Variants in FGF10 observed in about 807,000 individuals in gnomAD.
The protein encoded by FGF10 is fibroblast growth factor 10.
In FGF10, 2 loss-of-function variants were observed where a neutral mutation model predicts 19.8. That is an observed-to-expected ratio of 0.10 (90% confidence interval 0.04 to 0.32). The LOEUF is 0.32. Ranked by LOEUF, FGF10 falls within the 10% of genes least tolerant of loss-of-function variation. FGF10 has a pLI of 1.00. For missense variants in FGF10, 191 were observed against 246.3 expected (o/e 0.78, Z 1.50); for synonymous variants, 112 against 94.0 (o/e 1.19, Z -1.10).
intron 1 of FGF10, among the ~76,000 whole-genome samples, chr5:44,349,317 T>C (rs1002788429): frequency 2.7e-5 from 4 of 148,396 alleles, no homozygotes; most frequent in East Asian, 4.0e-4. Context: ...TGGAAAGCAA[T>C]TTAGCTATCT....
intron 1 of FGF10, among the ~76,000 whole-genome samples, chr5:44,346,224 A>G (rs1018026288): frequency 6.6e-6 from 1 of 151,714 alleles, no homozygotes; most frequent in South Asian, 2.1e-4. Flanking sequence ...TCTGCCTCCA[A>G]AATGTCTTGA....
chr5:44,306,168 C>G lies in FGF10; in HGVS notation c.430-976G>C, dbSNP rs570629436. Among the ~76,000 whole-genome samples the G allele has an allele frequency of 5.3e-5, 8 of 152,222 alleles. No individual in the cohort carries two copies. In the South Asian group the frequency reaches 1.7e-3, roughly 32 times the overall value. On this transcript the variant is annotated intron_variant, in intron 2 of 2. Transcript: ENST00000264664. Reference sequence around the variant, plus strand: ...ATCCCAGCACTTTGGGAGGCTGAGGCAGGCGAATCACAAGGTCAGGAGTTC... The same window carrying G: ...ATCCCAGCACTTTGGGAGGCTGAGGGAGGCGAATCACAAGGTCAGGAGTTC...
At chr5:44,316,235 T>G (rs192877667) in intron 1 of FGF10, among the ~76,000 whole-genome samples, 116 of 152,254 alleles carry the variant, frequency 7.6e-4, no homozygotes, top group Non-Finnish European at 8.5e-4. Context: ...CCTCATTCCC[T>G]TTCGTGTAAA....
At chr5:44,311,263 G>T (rs1436014162) in intron 1 of FGF10, among the ~76,000 whole-genome samples, 1 of 151,880 alleles carries the variant, frequency 6.6e-6, no homozygotes. Context: ...CACAAGTTTC[G>T]ATTGCTGCAT....
rs950122717 is a variant in FGF10, at chr5:44,301,733, T to C, written c.*3262A>G. ...CTTACAAATGTTTGAGTAATTTTTTTTTCTGTTGTTGTTGTTTGGGGCTGT... is the reference window on the plus strand; with the variant it reads ...CTTACAAATGTTTGAGTAATTTTTTCTTCTGTTGTTGTTGTTTGGGGCTGT... On this transcript the variant is annotated 3_prime_UTR_variant, in exon 3 of 3. Transcript: ENST00000264664. Among the ~76,000 whole-genome samples, 4 of 152,204 alleles carry C rather than the reference T, an allele frequency of 2.6e-5. No homozygotes were observed. The highest frequency in any genetic ancestry group is 2.6e-4 in the Admixed American group (4 of 15,280).
rs1032584925 is a variant in FGF10 at position 44,384,191 on chromosome 5, C to T, written c.325+4167G>A. 3.3e-5 allele frequency among the ~76,000 whole-genome samples: 5 copies of T among 152,002 alleles called. No homozygotes were observed. The East Asian group carries it at 5.8e-4, about 18-fold the overall frequency. ...ACATGGGAACAATTAAACATTTGGC[C>T]CTCAGCTGTAAACAATTACTATATA... On this transcript the variant is annotated intron_variant, in intron 1 of 2. Transcript: ENST00000264664.
At chr5:44,367,945 T>A (rs1401188718) in intron 1 of FGF10, among the ~76,000 whole-genome samples, 1 of 151,908 alleles carries the variant, frequency 6.6e-6, no homozygotes, top group East Asian at 1.9e-4. Flanking sequence ...CATATGTTGA[T>A]TAAAACTGAA....
intron 1 of FGF10, among the ~76,000 whole-genome samples, chr5:44,366,127 CTTT>C (rs35522683): frequency 2.7e-5 from 2 of 74,808 alleles, no homozygotes; most frequent in African/African-American, 5.1e-5. Context: ...CAATTATTTC[CTTT>C]TTTTTTTTTT....
chr5:44,332,355 G>T (rs1740755175), intron 1 of FGF10, among the ~76,000 whole-genome samples: 1 of 152,024 alleles, frequency 6.6e-6, no homozygotes, highest in African/African-American at 2.4e-5. Flanking sequence ...TTAGGATTTG[G>T]CACCTGATTT....
intron 1 of FGF10, among the ~76,000 whole-genome samples, chr5:44,329,295 G>C (rs188423321): frequency 6.6e-6 from 1 of 152,252 alleles, no homozygotes; most frequent in Non-Finnish European, 1.5e-5. Flanking sequence ...TTCTGCCTCA[G>C]CCTCCTGAGT....
intron 1 of FGF10, among the ~76,000 whole-genome samples, chr5:44,378,016 T>C (rs949259707): frequency 6.6e-6 from 1 of 152,182 alleles, no homozygotes; most frequent in Non-Finnish European, 1.5e-5. Flanking sequence ...TTTCTTACAC[T>C]TATTCATACA....
At chr5:44,387,834 G>A (rs1742137913) in intron 1 of FGF10, among the ~76,000 whole-genome samples, 1 of 151,956 alleles carries the variant, frequency 6.6e-6, no homozygotes, top group Non-Finnish European at 1.5e-5. Flanking sequence ...GGGGTGGGGA[G>A]AGAGTGGAAT....
intron 1 of FGF10, among the ~76,000 whole-genome samples, chr5:44,322,086 T>C (rs1740506903): frequency 6.6e-6 from 1 of 152,032 alleles, no homozygotes; most frequent in Non-Finnish European, 1.5e-5. Context: ...TACACAGAAG[T>C]GAGATGGCTT....
At chr5:44,344,831 G>A (rs986662582) in intron 1 of FGF10, among the ~76,000 whole-genome samples, 2 of 150,704 alleles carry the variant, frequency 1.3e-5, no homozygotes, top group African/African-American at 4.9e-5. Context: ...GATTTCATTT[G>A]AAAAAATAAC....
chr5:44,384,805 C>T (rs1742062069), intron 1 of FGF10, among the ~76,000 whole-genome samples: 1 of 152,114 alleles, frequency 6.6e-6, no homozygotes, highest in African/African-American at 2.4e-5. Flanking sequence ...TATTGCCTCC[C>T]ATTCTTCTTT....
chr5:44,324,820 A>T (rs1284730097), intron 1 of FGF10, among the ~76,000 whole-genome samples: 1 of 152,234 alleles, frequency 6.6e-6, no homozygotes, highest in Admixed American at 6.5e-5. Context: ...TTTTCAAGTC[A>T]GATTAATAAA....
intron 1 of FGF10, among the ~76,000 whole-genome samples, chr5:44,319,119 C>T (rs1443591446): frequency 6.6e-6 from 1 of 152,136 alleles, no homozygotes; most frequent in Non-Finnish European, 1.5e-5. Context: ...CTAACATTTA[C>T]AAACAGTTGG....
intron 1 of FGF10, among the ~76,000 whole-genome samples, chr5:44,320,165 T>C (rs553301893): frequency 1.3e-5 from 2 of 152,190 alleles, no homozygotes; most frequent in Non-Finnish European, 1.5e-5. Flanking sequence ...GATGCAAATA[T>C]AGATGAACGT....
At chr5:44,321,495 T>C (rs911523542) in intron 1 of FGF10, among the ~76,000 whole-genome samples, 4 of 152,200 alleles carry the variant, frequency 2.6e-5, no homozygotes, top group Non-Finnish European at 5.9e-5. Context: ...ACTGAATTGG[T>C]CATTTTGTGT....
Sources: gnomAD v4.1 joint callset for allele counts (sites outside exome capture counted in the v4.1 genomes callset) on GRCh38, gnomAD v4.1.1 for gene constraint, MANE v1.5 for transcripts, NCBI Gene and HGNC (gene_info 2026-07-23, HGNC 2026-07-21) for gene names.